BIN1: variants seen among roughly 807,000 people sequenced by gnomAD.
BIN1 encodes the protein bridging integrator 1.
In BIN1, 53 loss-of-function variants were observed where a neutral mutation model predicts 82.0. That is an observed-to-expected ratio of 0.65 (90% CI 0.52 to 0.81). The LOEUF is 0.81. Among genes scored for constraint, BIN1 ranks in the 40% least tolerant of loss-of-function variants. The pLI is 0.00. For missense variants in BIN1, 642 were observed against 784.4 expected, an observed-to-expected ratio of 0.82 and a Z score of 2.17; for synonymous variants, 302 against 328.0, an observed-to-expected ratio of 0.92 and a Z score of 0.86.
At chr2:127,081,427 C>T (rs1326597121) in intron 1 of BIN1, among the ~76,000 whole-genome samples, 3 of 152,318 alleles carry the variant, frequency 2.0e-5, no homozygotes, top group East Asian at 1.9e-4. Flanking sequence ...CCCGGCTGGG[C>T]CCCAGCAGCC....
Position 127,059,255 on chromosome 2 carries a change from T to C in BIN1, c.858-100A>G. 4 of 1,340,314 alleles carry C rather than the reference T, an allele frequency of 3.0e-6. No individual in the cohort carries two copies. The highest frequency in any genetic ancestry group is 3.0e-6 in the Non-Finnish European group (3 of 990,178). The allele number at this position is 1,340,314 out of a possible 1,614,324, so 83.0% of individuals were successfully genotyped here. On this transcript the variant is annotated intron_variant, in intron 10 of 18. Transcript: ENST00000316724. The surrounding 1 kb of genome is among the most constrained non-coding windows in gnomAD (Gnocchi z 6.7). ...ACGTCTGTGTGAAGAGGTGTGTGCA[T>C]ATGGAGGTGTGAAACTGTGTGTGTG...
Position 127,068,124 on chromosome 2 carries a change from G to T in BIN1, c.612+39C>A. 2 of 1,589,602 alleles carry T rather than the reference G, an allele frequency of 1.3e-6. No individual in the cohort carries two copies. The highest frequency in any genetic ancestry group is 1.7e-6 in the Non-Finnish European group (2 of 1,163,374). ...GGCGAGAGGACAGGACGACAGACCG[G>T]AAGGCGCCAGCACGTGCAAGGTTAG... On this transcript the variant is annotated intron_variant, in intron 7 of 18. Coordinates refer to ENST00000316724, the MANE Select transcript of BIN1 (RefSeq NM_139343.3). This position sits in a 1 kb window ranked among gnomAD's most constrained non-coding sequence, Gnocchi z 4.9.
chr2:127,081,692 C>T, intron 1 of BIN1: 1 of 949,544 alleles, frequency 1.1e-6, no homozygotes, highest in Non-Finnish European at 1.4e-6. Flanking sequence ...CAGCGGCACC[C>T]CTCGTCCCTG....
intron 1 of BIN1, among the ~76,000 whole-genome samples, chr2:127,101,325 T>G (rs936317743): frequency 2.6e-5 from 4 of 152,158 alleles, no homozygotes; most frequent in African/African-American, 9.7e-5. Context: ...TGGGTGCCCC[T>G]CACCTGGGAC....
intron 2 of BIN1, 117 bp downstream of exon 2, chr2:127,076,509 C>A: frequency 8.5e-7 from 1 of 1,182,774 alleles, no homozygotes; most frequent in Non-Finnish European, 1.3e-6. Context: ...ATCTTGTCAG[C>A]CCACACTGAT....
intron 7 of BIN1, among the ~76,000 whole-genome samples, chr2:127,066,503 A>G (rs971205208): frequency 6.6e-6 from 1 of 152,212 alleles, no homozygotes; most frequent in Non-Finnish European, 1.5e-5. Flanking sequence ...GTTTCAGGGA[A>G]AATTATTCAG....
chr2:127,103,711 C>T (rs966456084), intron 1 of BIN1, among the ~76,000 whole-genome samples: 1 of 152,232 alleles, frequency 6.6e-6, no homozygotes, highest in African/African-American at 2.4e-5. Context: ...GCGCCCCATC[C>T]CGCGAGGGGC....
intron 10 of BIN1, among the ~76,000 whole-genome samples, chr2:127,061,083 G>GC (rs1684400136): frequency 6.6e-6 from 1 of 152,138 alleles, no homozygotes; most frequent in Admixed American, 6.5e-5. Flanking sequence ...GGCCAGGACG[G>GC]CCCCACTTAC....
At chr2:127,065,382 AG>A (rs796437411) in intron 7 of BIN1, among the ~76,000 whole-genome samples, 5 of 152,208 alleles carry the variant, frequency 3.3e-5, no homozygotes, top group African/African-American at 1.2e-4. Flanking sequence ...CCACACCAGG[AG>A]GGGAATACTG....
chr2:127,092,621 C>G (rs994182651), intron 1 of BIN1, among the ~76,000 whole-genome samples: 2 of 152,208 alleles, frequency 1.3e-5, no homozygotes, highest in Non-Finnish European at 2.9e-5. Flanking sequence ...GCAAGGGCCT[C>G]CCACTGACCC....
At chr2:127,086,212 T>A (rs1334324013) in intron 1 of BIN1, among the ~76,000 whole-genome samples, 1 of 152,174 alleles carries the variant, frequency 6.6e-6, no homozygotes. Context: ...AGAGCCAGGA[T>A]GCCACACCTG....
intron 1 of BIN1, among the ~76,000 whole-genome samples, chr2:127,098,144 TCTG>T: frequency 6.6e-6 from 1 of 152,312 alleles, no homozygotes; most frequent in Non-Finnish European, 1.5e-5. Context: ...ACCCAGGTGA[TCTG>T]CAGGCTCCTC....
chr2:127,085,697 C>A (rs1255081589), intron 1 of BIN1, among the ~76,000 whole-genome samples: 1 of 152,214 alleles, frequency 6.6e-6, no homozygotes, highest in Non-Finnish European at 1.5e-5. Context: ...GGGCCCAGCA[C>A]CTCTGGGGGA....
chr2:127,101,790 CT>C (rs1201368299), intron 1 of BIN1, among the ~76,000 whole-genome samples: 1 of 152,194 alleles, frequency 6.6e-6, no homozygotes, highest in Non-Finnish European at 1.5e-5. Flanking sequence ...CCCTCCACCC[CT>C]GTACACTGCA....
chr2:127,077,310 C>T (rs1686737467), intron 1 of BIN1, among the ~76,000 whole-genome samples: 1 of 145,878 alleles, frequency 6.9e-6, no homozygotes, highest in African/African-American at 2.6e-5. Context: ...CTCTGCTCTG[C>T]ACAGCCCACA....
At chr2:127,074,851 C>A (rs55948843) in intron 2 of BIN1, among the ~76,000 whole-genome samples, 1 of 152,068 alleles carries the variant, frequency 6.6e-6, no homozygotes, top group South Asian at 2.1e-4. Context: ...TACAGGCACA[C>A]ACCACCACGC....
intron 1 of BIN1, among the ~76,000 whole-genome samples, chr2:127,097,492 G>A (rs1433147160): frequency 6.6e-6 from 1 of 152,136 alleles, no homozygotes; most frequent in Non-Finnish European, 1.5e-5. Flanking sequence ...CATGGGACAG[G>A]GCAGGTACAG....
chr2:127,061,973 A>T (rs898073203), intron 10 of BIN1, 142 bp downstream of exon 10: 1 of 878,140 alleles, frequency 1.1e-6, no homozygotes, highest in African/African-American at 1.7e-5. Context: ...CCCTGAGCAC[A>T]GAGAGGCCAA....
chr2:127,088,170 G>T (rs1678433026), intron 1 of BIN1, among the ~76,000 whole-genome samples: 1 of 152,196 alleles, frequency 6.6e-6, no homozygotes, highest in Non-Finnish European at 1.5e-5. Flanking sequence ...ACGCAGGAGG[G>T]ATCTTCTCAT....
Sources: gnomAD v4.1 joint callset for allele counts (sites outside exome capture counted in the v4.1 genomes callset) on GRCh38, gnomAD v4.1.1 for gene constraint, Gnocchi (gnomAD v3.1) non-coding constraint, MANE v1.5 for transcripts, NCBI Gene and HGNC (gene_info 2026-07-23, HGNC 2026-07-21) for gene names.